RNF13: variants seen among roughly 807,000 people sequenced by gnomAD.
RNF13 encodes the protein E3 ubiquitin-protein ligase RNF13.
A neutral mutation model predicts 37.7 loss-of-function variants in RNF13; 19 were observed. That is an observed-to-expected ratio of 0.50 (90% CI 0.35 to 0.74). The LOEUF (loss-of-function observed/expected upper bound fraction) is 0.74. Among genes scored for constraint, RNF13 ranks in the 30% least tolerant of loss-of-function variants. The pLI is 0.01. For synonymous variants in RNF13, 144 were observed against 157.8 expected (o/e 0.91, Z 0.65); for missense variants, 375 against 453.0 (o/e 0.83, Z 1.56).
intron 1 of RNF13, among the ~76,000 whole-genome samples, chr3:149,829,108 C>G (rs1720783453): frequency 6.6e-6 from 1 of 151,852 alleles, no homozygotes; most frequent in African/African-American, 2.4e-5. Flanking sequence ...TTGGAAAAAC[C>G]TATTTCTTTT....
At chr3:149,843,747 G>T (rs55770038) in intron 1 of RNF13, among the ~76,000 whole-genome samples, 4,039 of 152,296 alleles carry the variant, frequency 0.027, 68 homozygotes, top group South Asian at 0.036. Flanking sequence ...GTGGACTTTG[G>T]AAACTGACTG....
Position 149,913,863 on chromosome 3 carries a change from C to T in RNF13, c.606+1780C>T, listed in dbSNP as rs2108521866. Among the ~76,000 whole-genome samples the T allele has an allele frequency of 2.0e-5, 3 of 152,282 alleles. No individual in the cohort carries two copies. In the South Asian group the frequency reaches 6.2e-4, roughly 32 times the overall value. ...TTAAGGTAGTGTTTGCTGAATTTCT[C>T]CACTTATAAAGTTAATATTTTTTCC... On this transcript the variant is annotated intron_variant, in intron 7 of 9. Transcript: ENST00000392894.
At chr3:149,838,329 T>A (rs952329179) in intron 1 of RNF13, among the ~76,000 whole-genome samples, 10 of 152,126 alleles carry the variant, frequency 6.6e-5, no homozygotes, top group Middle Eastern at 3.2e-3. Flanking sequence ...AGGTGGTGCC[T>A]CAGTAGGGAC....
chr3:149,855,297 C>T (rs184286708), intron 3 of RNF13, among the ~76,000 whole-genome samples: 77 of 152,066 alleles, frequency 5.1e-4, no homozygotes, highest in African/African-American at 1.8e-3. Context: ...CCAGCCTGGG[C>T]GACAGAGTGA....
chr3:149,926,398 G>A (rs1195201676), intron 8 of RNF13, among the ~76,000 whole-genome samples: 1 of 152,058 alleles, frequency 6.6e-6, no homozygotes, highest in Non-Finnish European at 1.5e-5. Flanking sequence ...TTTTAGTAGA[G>A]ATGGGGTTTC....
intron 4 of RNF13, among the ~76,000 whole-genome samples, chr3:149,875,553 CA>C: frequency 6.6e-6 from 1 of 152,244 alleles, no homozygotes; most frequent in East Asian, 1.9e-4. Flanking sequence ...ACGAAGGCAG[CA>C]GAAATGCAAT....
chr3:149,884,265 T>C lies in RNF13; in HGVS notation c.322-11208T>C, dbSNP rs2108468378. ...GTAAGTTACTTGCAGATGAGCTTGG[T>C]TATTTTCAGGCTTGTTTTTAAAGTT... On this transcript the variant is annotated intron_variant, in intron 4 of 9. Transcript: ENST00000392894. Among the ~76,000 whole-genome samples the C allele has an allele frequency of 1.3e-5, 2 of 152,234 alleles. 1 individual carries two copies. Among genetic ancestry groups the C allele is most frequent in the South Asian group, 4.1e-4 (2 of 4,824 alleles).
chr3:149,881,454 C>T (rs1208531473), intron 4 of RNF13, among the ~76,000 whole-genome samples: 1 of 152,092 alleles, frequency 6.6e-6, no homozygotes, highest in African/African-American at 2.4e-5. Context: ...CCCTAGCCTC[C>T]TGAGTAGCTG....
chr3:149,916,397 T>C (rs1717511345), intron 7 of RNF13, among the ~76,000 whole-genome samples: 1 of 152,212 alleles, frequency 6.6e-6, no homozygotes, highest in African/African-American at 2.4e-5. Context: ...TTATTAGTCT[T>C]TCAAAGAAGT....
intron 5 of RNF13, among the ~76,000 whole-genome samples, chr3:149,898,966 G>A (rs987896828): frequency 2.0e-5 from 3 of 152,130 alleles, no homozygotes; most frequent in African/African-American, 7.2e-5. Flanking sequence ...GTATTCCAAG[G>A]AGACGGAACA....
At chr3:149,879,538 G>A (rs769370585) in intron 4 of RNF13, among the ~76,000 whole-genome samples, 15 of 151,856 alleles carry the variant, frequency 9.9e-5, no homozygotes, top group Non-Finnish European at 1.9e-4. Flanking sequence ...AAACTCCTGG[G>A]CTCAAGTGAT....
chr3:149,945,560 A>AAG (rs1407426518), intron 8 of RNF13, among the ~76,000 whole-genome samples: 1 of 152,162 alleles, frequency 6.6e-6, no homozygotes, highest in Non-Finnish European at 1.5e-5. Context: ...GACAGCTTTG[A>AAG]AGAGAGTAGT....
intron 1 of RNF13, chr3:149,817,395 G>A (rs1332399462): frequency 2.6e-5 from 4 of 152,154 alleles, no homozygotes; most frequent in Admixed American, 2.6e-4. Context: ...TAGTAAATTG[G>A]AGGCTAGGGA....
chr3:149,849,869 T>TG, intron 2 of RNF13, among the ~76,000 whole-genome samples: 1 of 152,294 alleles, frequency 6.6e-6, no homozygotes, highest in Non-Finnish European at 1.5e-5. Context: ...AAGGAAGCTG[T>TG]CAAGAAAAAT....
At chr3:149,857,726 C>T (rs1723790694) in intron 3 of RNF13, among the ~76,000 whole-genome samples, 1 of 152,238 alleles carries the variant, frequency 6.6e-6, no homozygotes, top group Admixed American at 6.5e-5. Context: ...TCCCCATCCC[C>T]TTCCCCCACT....
chr3:149,912,709 A>G (rs933755378), intron 7 of RNF13, among the ~76,000 whole-genome samples: 1 of 152,126 alleles, frequency 6.6e-6, no homozygotes, highest in African/African-American at 2.4e-5. Flanking sequence ...ATATTAAAGT[A>G]TGAAAAAAAT....
chr3:149,873,852 C>T (rs956630462), intron 4 of RNF13, among the ~76,000 whole-genome samples: 8 of 152,038 alleles, frequency 5.3e-5, no homozygotes, highest in African/African-American at 1.9e-4. Flanking sequence ...ATATATATAT[C>T]TCACTTATTT....
chr3:149,843,319 C>T (rs982884242), intron 1 of RNF13, among the ~76,000 whole-genome samples: 2 of 152,102 alleles, frequency 1.3e-5, no homozygotes, highest in Non-Finnish European at 2.9e-5. Flanking sequence ...ACTGATCCCC[C>T]ATGGATACCA....
intron 8 of RNF13, among the ~76,000 whole-genome samples, chr3:149,923,720 C>G (rs1421569191): frequency 7.2e-6 from 1 of 138,108 alleles, no homozygotes; most frequent in Non-Finnish European, 1.5e-5. Context: ...GAGCCGAGAT[C>G]ACACGACTGC....
Sources: gnomAD v4.1 joint callset for allele counts (sites outside exome capture counted in the v4.1 genomes callset) on GRCh38, gnomAD v4.1.1 for gene constraint, MANE v1.5 for transcripts, NCBI Gene and HGNC (gene_info 2026-07-23, HGNC 2026-07-21) for gene names.